SMARCC1: variants seen among roughly 807,000 people sequenced by gnomAD.
The protein encoded by SMARCC1 is SWI/SNF related BAF chromatin remodeling complex subunit C1.
In SMARCC1, 43 loss-of-function variants were observed where a neutral mutation model predicts 147.4. That is an observed-to-expected ratio of 0.29 (90% CI 0.23 to 0.38). SMARCC1 has a LOEUF of 0.38. SMARCC1 is among the 10% of genes least tolerant of loss of function. The pLI, the probability that SMARCC1 is intolerant of heterozygous loss-of-function variation, is 1.00. For synonymous variants in SMARCC1, 495 were observed against 484.4 expected (o/e 1.02, Z -0.29); for missense variants, 1,119 against 1,381.1 (o/e 0.81, Z 3.01).
chr3:47,711,816 A>G (rs1256344615), intron 8 of SMARCC1, among the ~76,000 whole-genome samples: 1 of 152,228 alleles, frequency 6.6e-6, no homozygotes, highest in Non-Finnish European at 1.5e-5. Context: ...ATATACAGAA[A>G]CACCAAATTA....
At chr3:47,776,193 C>CAA (rs1219580410) in intron 1 of SMARCC1, among the ~76,000 whole-genome samples, 1 of 152,016 alleles carries the variant, frequency 6.6e-6, no homozygotes, top group African/African-American at 2.4e-5. Context: ...ACAAAACTGA[C>CAA]AAAATACATT....
rs373975345 is a variant in SMARCC1 at position 47,622,348 on chromosome 3, G to A, written c.2647-7C>T. The A allele has an allele frequency of 1.9e-6, 3 of 1,612,806 alleles. No individual in the cohort carries two copies. The African/African-American group carries it at 4.0e-5, about 22-fold the overall frequency. On this transcript the variant is annotated splice_polypyrimidine_tract_variant and splice_region_variant and intron_variant, in intron 24 of 27. Coordinates refer to ENST00000254480, the MANE Select transcript of SMARCC1 (RefSeq NM_003074.4). ...CTTCCACTGCAGCCAGGTGCTAAGG[G>A]TACAAGATCATTCAAGCTATTTAGG...
intron 6 of SMARCC1, 65 bp from the exon 7 acceptor site, chr3:47,720,800 GC>G (rs550887475): frequency 6.4e-4 from 781 of 1,229,918 alleles, no homozygotes; most frequent in Non-Finnish European, 8.7e-4. Context: ...ATGATTTTTA[GC>G]CTTAATTTTT....
At chr3:47,719,208 C>G (rs1403095318) in intron 7 of SMARCC1, among the ~76,000 whole-genome samples, 1 of 152,110 alleles carries the variant, frequency 6.6e-6, no homozygotes, top group Non-Finnish European at 1.5e-5. Flanking sequence ...GCCACCACGC[C>G]CGGCCCCACT....
intron 11 of SMARCC1, among the ~76,000 whole-genome samples, chr3:47,696,085 G>A (rs1464365313): frequency 1.4e-5 from 2 of 145,470 alleles, no homozygotes; most frequent in African/African-American, 5.1e-5. Context: ...AAAGGGGGGG[G>A]GGGGGCCAGG....
At chr3:47,705,439 TAA>T (rs1041445466) in intron 10 of SMARCC1, among the ~76,000 whole-genome samples, 3 of 152,088 alleles carry the variant, frequency 2.0e-5, no homozygotes, top group South Asian at 2.1e-4. Context: ...GCTCAAAAAC[TAA>T]GTTTTTAAAG....
intron 9 of SMARCC1, among the ~76,000 whole-genome samples, chr3:47,707,826 C>G (rs1255946110): frequency 6.6e-6 from 1 of 152,130 alleles, no homozygotes; most frequent in Non-Finnish European, 1.5e-5. Context: ...TGACAGTGTG[C>G]TATGATCGCA....
chr3:47,654,611 T>G (rs889604384), intron 21 of SMARCC1, among the ~76,000 whole-genome samples: 7 of 152,200 alleles, frequency 4.6e-5, no homozygotes, highest in Non-Finnish European at 7.3e-5. Flanking sequence ...TTCCACAGAC[T>G]TAGAAGTTCA....
chr3:47,737,172 G>A (rs1402958053), intron 4 of SMARCC1, among the ~76,000 whole-genome samples: 2 of 152,042 alleles, frequency 1.3e-5, no homozygotes, highest in Non-Finnish European at 2.9e-5. Context: ...CAAGCAAATC[G>A]CTTGAATTCA....
chr3:47,635,054 A>T, intron 24 of SMARCC1, 136 bp downstream of exon 24: 1 of 724,580 alleles, frequency 1.4e-6, no homozygotes. Flanking sequence ...TGGATTTCTT[A>T]ACCTAGAAAT....
intron 10 of SMARCC1, among the ~76,000 whole-genome samples, chr3:47,704,256 A>T (rs938957527): frequency 2.0e-5 from 3 of 152,250 alleles, no homozygotes; most frequent in Non-Finnish European, 4.4e-5. Flanking sequence ...GAAAACATAC[A>T]GTGCAGATGA....
chr3:47,688,007 C>G (rs1559645373), intron 13 of SMARCC1, among the ~76,000 whole-genome samples: 3 of 152,120 alleles, frequency 2.0e-5, no homozygotes, highest in Non-Finnish European at 4.4e-5. Context: ...CACATGTAAT[C>G]CCAGCACTTT....
chr3:47,751,576 A>G (rs2034630234), intron 2 of SMARCC1, among the ~76,000 whole-genome samples: 1 of 151,900 alleles, frequency 6.6e-6, no homozygotes, highest in Admixed American at 6.6e-5. Context: ...CTGACATTCA[A>G]TTTTCCAATG....
chr3:47,721,358 A>G (rs1253937835), intron 6 of SMARCC1, among the ~76,000 whole-genome samples: 4 of 152,116 alleles, frequency 2.6e-5, no homozygotes, highest in Non-Finnish European at 4.4e-5. Flanking sequence ...TTTTTTCAAA[A>G]ATTTTTTCCA....
chr3:47,736,000 G>T (rs755920633), intron 5 of SMARCC1, 34 bp downstream of exon 5: 14 of 971,472 alleles, frequency 1.4e-5, no homozygotes, highest in South Asian at 3.2e-5. Flanking sequence ...AAGTGATCGT[G>T]TCTATTATTA....
rs543357357 is a variant in SMARCC1 at position 47,769,541 on chromosome 3, T to A, written c.315+3276A>T. On this transcript the variant is annotated intron_variant, in intron 2 of 27. Coordinates refer to ENST00000254480, the MANE Select transcript of SMARCC1 (RefSeq NM_003074.4). ...CGCACTCCGCCAACCATAACACTTTTATGTGTTGCCACCACTACCTGAAAA... is the reference window on the plus strand; with the variant it reads ...CGCACTCCGCCAACCATAACACTTTAATGTGTTGCCACCACTACCTGAAAA... Among the ~76,000 whole-genome samples, 7 of 152,098 alleles carry A rather than the reference T, an allele frequency of 4.6e-5. No individual in the cohort carries two copies. In the South Asian group the frequency reaches 1.5e-3, roughly 32 times the overall value.
At chr3:47,748,088 C>G (rs2034586513) in intron 2 of SMARCC1, among the ~76,000 whole-genome samples, 1 of 152,000 alleles carries the variant, frequency 6.6e-6, no homozygotes, top group East Asian at 1.9e-4. Context: ...AACCCAGGGG[C>G]AGAGGTTGCC....
rs1490188927 is a variant in SMARCC1, at chr3:47,588,221, T to C, written c.3306A>G (p.Ser1102=). 6.2e-7 allele frequency: 1 copy of C among 1,613,444 alleles called. No individual in the cohort carries two copies. Among genetic ancestry groups the C allele is most frequent in the Non-Finnish European group, 8.5e-7 (1 of 1,179,724 alleles). The change falls in exon 28 of 28, where the codon TCA becomes TCG. Residue 1102 remains serine, a synonymous_variant. Coordinates refer to ENST00000254480, the MANE Select transcript of SMARCC1 (RefSeq NM_003074.4). ...TGCATCTTCCAGGCTAAGGAGCAGC[T>C]GAGGCTGGCGGGCCAGGAGCAGGAG... is the stretch of plus-strand genomic sequence containing the variant. ...PPPPAPGPPA[S]AAP is the part of the protein sequence containing the mutation.
intron 12 of SMARCC1, 85 bp from the exon 13 acceptor site, chr3:47,689,509 T>A: frequency 9.1e-7 from 1 of 1,104,398 alleles, no homozygotes. Context: ...TAAGAACTGA[T>A]ACTGGACAGA....
Sources: allele counts gnomAD v4.1 joint callset (sites outside exome capture counted in the v4.1 genomes callset), GRCh38; gene constraint gnomAD v4.1.1; transcripts MANE v1.5; gene names NCBI Gene and HGNC (gene_info 2026-07-23, HGNC 2026-07-21).